The following HDAC9 variants were observed in gnomAD, a reference collection of about 807,000 sequenced individuals.
HDAC9 encodes MEF-2 interacting transcription repressor (MITR) protein.
In HDAC9, 41 loss-of-function variants were observed where a neutral mutation model predicts 139.4. That is an observed-to-expected ratio of 0.29 (90% CI 0.23 to 0.38). The LOEUF is 0.38. HDAC9 is among the 10% of genes least tolerant of loss of function. The probability of loss-of-function intolerance (pLI) is 1.00; values close to 1 mark genes in which losing one functional copy is unlikely to be tolerated. For synonymous variants in HDAC9, 517 were observed against 476.2 expected, an observed-to-expected ratio of 1.09 and a Z score of -1.12; for missense variants, 1,147 against 1,297.0, an observed-to-expected ratio of 0.88 and a Z score of 1.78.
intron 1 of HDAC9, among the ~76,000 whole-genome samples, chr7:18,131,059 T>A (rs753373342): frequency 6.6e-6 from 1 of 152,152 alleles, no homozygotes; most frequent in Non-Finnish European, 1.5e-5. Flanking sequence ...TGCTCAAATT[T>A]GTGCTCTTTC....
At chr7:18,214,190 A>G (rs1436193508) in intron 2 of HDAC9, among the ~76,000 whole-genome samples, 4 of 152,120 alleles carry the variant, frequency 2.6e-5, no homozygotes, top group African/African-American at 9.7e-5. Context: ...TTAATAGAGT[A>G]TAATTGTTCT....
chr7:18,996,232 T>G lies in HDAC9; in HGVS notation c.*170T>G. 1.9e-6 allele frequency: 1 copy of G among 537,176 alleles called. No individual in the cohort carries two copies. 33.3% of individuals were successfully genotyped at this position (537,176 alleles called of 1,614,324 possible). On this transcript the variant is annotated 3_prime_UTR_variant, in exon 26 of 26. Transcript: ENST00000686413. ...AGCTTCACTTGTTCTTTGGATGGACTTGAAAGGGCATTAAAGATTCCTTAA... is the reference window on the plus strand; with the variant it reads ...AGCTTCACTTGTTCTTTGGATGGACGTGAAAGGGCATTAAAGATTCCTTAA...
chr7:18,772,739 A>T (rs995409010), intron 16 of HDAC9, among the ~76,000 whole-genome samples: 2 of 152,078 alleles, frequency 1.3e-5, no homozygotes, highest in Non-Finnish European at 2.9e-5. Context: ...TGATACTAGC[A>T]AGAACACCCC....
At chr7:18,273,161 T>G (rs532834455) in intron 2 of HDAC9, among the ~76,000 whole-genome samples, 1 of 147,898 alleles carries the variant, frequency 6.8e-6, no homozygotes, top group Admixed American at 6.8e-5. Flanking sequence ...CTCGTGGACT[T>G]AAGCTAGCCA....
rs563522699 is a variant in HDAC9 at position 18,394,572 on chromosome 7, T to A, written c.-41-101690T>A. ...TTCAGTGGTCCAAGGGGACTGGGCC[T>A]GGGTGTGTATGCATGTGTGTTATGT... On this transcript the variant is annotated intron_variant, in intron 1 of 3. Transcript: ENST00000413509. Among the ~76,000 whole-genome samples the A allele has an allele frequency of 1.8e-3, 267 of 152,146 alleles. 1 individual carries two copies. The highest frequency in any genetic ancestry group is 5.9e-3 in the African/African-American group (245 of 41,536).
Position 18,476,984 on chromosome 7 carries a change from C to T in HDAC9, c.-41-19278C>T, listed in dbSNP as rs574150489. 5.1e-4 allele frequency among the ~76,000 whole-genome samples: 77 copies of T among 152,272 alleles called. 1 individual carries two copies. The highest frequency in any genetic ancestry group is 1.7e-3 in the African/African-American group (72 of 41,552). ...ACCTAATAATTCCTAGGAAAACATT[C>T]TGCTCCTAAGAAAAATAATACTTAC... On this transcript the variant is annotated intron_variant, in intron 1 of 3. Transcript: ENST00000413509.
At chr7:18,730,158 A>C (rs1176901121) in intron 13 of HDAC9, among the ~76,000 whole-genome samples, 1 of 152,140 alleles carries the variant, frequency 6.6e-6, no homozygotes, top group African/African-American at 2.4e-5. Context: ...TGGGATTAAA[A>C]TATATATATA....
chr7:18,838,919 T>C (rs768082756), intron 21 of HDAC9, among the ~76,000 whole-genome samples: 2 of 152,024 alleles, frequency 1.3e-5, no homozygotes, highest in South Asian at 2.1e-4. Context: ...ATGGTTTCTA[T>C]TATGTGCTTT....
At chr7:18,794,008 T>C (rs1792561526) in intron 17 of HDAC9, among the ~76,000 whole-genome samples, 1 of 152,234 alleles carries the variant, frequency 6.6e-6, no homozygotes, top group South Asian at 2.1e-4. Flanking sequence ...TCTTCTTTTC[T>C]ACATCGTATG....
intron 17 of HDAC9, 87 bp downstream of exon 17, chr7:18,793,539 G>A: frequency 1.1e-6 from 1 of 887,574 alleles, no homozygotes; most frequent in South Asian, 1.4e-5. Flanking sequence ...GGGGAGTGTG[G>A]CGTGGTAATA....
chr7:18,741,837 G>C (rs916653395), intron 13 of HDAC9, among the ~76,000 whole-genome samples: 5 of 152,278 alleles, frequency 3.3e-5, no homozygotes, highest in African/African-American at 1.2e-4. Flanking sequence ...GTTGATTCCA[G>C]TTCTCATGGA....
chr7:18,182,252 A>G (rs1231460173), intron 2 of HDAC9, among the ~76,000 whole-genome samples: 1 of 152,204 alleles, frequency 6.6e-6, no homozygotes, highest in Non-Finnish European at 1.5e-5. Context: ...AATGTATTTT[A>G]TTTGACAGGT....
At chr7:18,969,811 A>G (rs1017498967) in intron 24 of HDAC9, among the ~76,000 whole-genome samples, 14 of 152,222 alleles carry the variant, frequency 9.2e-5, no homozygotes, top group Non-Finnish European at 1.8e-4. Flanking sequence ...AAAATTTTGA[A>G]GAGTCAAAAA....
chr7:18,896,126 T>C (rs1183575534), intron 22 of HDAC9, among the ~76,000 whole-genome samples: 1 of 152,088 alleles, frequency 6.6e-6, no homozygotes, highest in Non-Finnish European at 1.5e-5. Context: ...AACTATTTTA[T>C]GAAATATGAT....
chr7:18,306,136 A>C (rs185622080), intron 1 of HDAC9, among the ~76,000 whole-genome samples: 6 of 152,326 alleles, frequency 3.9e-5, no homozygotes, highest in Admixed American at 2.0e-4. Flanking sequence ...TAGGTAACTA[A>C]AGCTTAATTC....
intron 16 of HDAC9, among the ~76,000 whole-genome samples, chr7:18,783,924 C>G (rs1485051366): frequency 6.6e-6 from 1 of 151,958 alleles, no homozygotes; most frequent in African/African-American, 2.4e-5. Context: ...TTGTTTGGAA[C>G]TGTGTAGCCA....
intron 2 of HDAC9, among the ~76,000 whole-genome samples, chr7:18,213,504 A>G (rs1464390554): frequency 6.6e-6 from 1 of 152,028 alleles, no homozygotes. Context: ...TTTTTCTTTT[A>G]TGATCGTATT....
At chr7:18,164,590 C>G (rs1584410455) in intron 2 of HDAC9, among the ~76,000 whole-genome samples, 1 of 152,078 alleles carries the variant, frequency 6.6e-6, no homozygotes, top group Non-Finnish European at 1.5e-5. Flanking sequence ...GTATGTTTGT[C>G]TTCAAAATTG....
intron 16 of HDAC9, among the ~76,000 whole-genome samples, chr7:18,781,231 C>T (rs1457576729): frequency 6.6e-6 from 1 of 152,002 alleles, no homozygotes; most frequent in Non-Finnish European, 1.5e-5. Flanking sequence ...TTGCTGAATA[C>T]AGTCCCATTG....
Sources: gnomAD v4.1 joint callset for allele counts (sites outside exome capture counted in the v4.1 genomes callset) on GRCh38, gnomAD v4.1.1 for gene constraint, MANE v1.5 for transcripts, NCBI Gene and HGNC (gene_info 2026-07-23, HGNC 2026-07-21) for gene names.